Variants in ICA1 observed in about 807,000 individuals in gnomAD.
The protein encoded by ICA1 is 69 kDa islet cell autoantigen.
In ICA1, 40 loss-of-function variants were observed where a neutral mutation model predicts 71.0. The observed-to-expected ratio is 0.56, with a 90% CI of 0.44 to 0.73. ICA1 has a LOEUF of 0.73. ICA1 is among the 30% of genes least tolerant of loss of function. The probability of loss-of-function intolerance (pLI) is 0.00; values close to 1 mark genes in which losing one functional copy is unlikely to be tolerated. For synonymous variants in ICA1, 207 were observed against 209.5 expected, an observed-to-expected ratio of 0.99 and a Z score of 0.10; for missense variants, 578 against 576.5, an observed-to-expected ratio of 1.00 and a Z score of -0.03.
At chr7:8,179,711 C>T (rs60145189) in intron 6 of ICA1, among the ~76,000 whole-genome samples, 4,993 of 151,982 alleles carry the variant, frequency 0.033, 99 homozygotes, top group African/African-American at 0.05. Flanking sequence ...GTTCCCCAAA[C>T]GAGTTTCCAA....
intron 4 of ICA1, among the ~76,000 whole-genome samples, chr7:8,225,420 A>G (rs1798320456): frequency 6.6e-6 from 1 of 152,214 alleles, no homozygotes. Context: ...CTTTCAACAT[A>G]TCCTTTTTCA....
chr7:8,166,615 T>C (rs953013749), intron 6 of ICA1, among the ~76,000 whole-genome samples: 1 of 152,126 alleles, frequency 6.6e-6, no homozygotes, highest in Non-Finnish European at 1.5e-5. Context: ...CCAAAAGCAA[T>C]TTAACAAAAG....
intron 6 of ICA1, among the ~76,000 whole-genome samples, chr7:8,194,913 G>A (rs529977310): frequency 6.6e-6 from 1 of 151,906 alleles, no homozygotes; most frequent in African/African-American, 2.4e-5. Context: ...TTTTTATGTT[G>A]AGTTGAAATA....
At chr7:8,169,693 T>C (rs1481154588) in intron 6 of ICA1, among the ~76,000 whole-genome samples, 1 of 152,138 alleles carries the variant, frequency 6.6e-6, no homozygotes, top group African/African-American at 2.4e-5. Flanking sequence ...AAAATGGGTT[T>C]ATCTTTTTAT....
At chr7:8,114,198 ACT>A in intron 13 of ICA1, 154 bp from the exon 14 acceptor site, 1 of 789,858 alleles carries the variant, frequency 1.3e-6, no homozygotes. Flanking sequence ...GGGAATTCCA[ACT>A]CCCGTGGCTG....
At chr7:8,186,863 C>T (rs543958291) in intron 6 of ICA1, among the ~76,000 whole-genome samples, 7 of 152,088 alleles carry the variant, frequency 4.6e-5, no homozygotes, top group Non-Finnish European at 1.0e-4. Flanking sequence ...GTAATGTTGT[C>T]TCCATTTCTC....
In ICA1 at chr7:8,173,403, A is replaced by G. The variant is rs1584889275; in HGVS notation, c.580-14751T>C. 6.6e-6 allele frequency among the ~76,000 whole-genome samples: 1 copy of G among 152,370 alleles called. No individual in the cohort carries two copies. The highest frequency in any genetic ancestry group is 1.9e-4 in the East Asian group (1 of 5,194). On this transcript the variant is annotated intron_variant, in intron 6 of 13. Coordinates refer to ENST00000402384, the MANE Select transcript of ICA1 (RefSeq NM_001136020.3). The surrounding 1 kb of genome is among the most constrained non-coding windows in gnomAD (Gnocchi z 4.0). The stretch of plus-strand genomic sequence containing the variant: ...CACATCAAATATATCCAAATCTATG[A>G]GTTCATAATAATACTTAAAAACAAG...
chr7:8,221,241 C>G (rs781206035), intron 5 of ICA1, 34 bp downstream of exon 5: 1 of 1,610,974 alleles, frequency 6.2e-7, no homozygotes, highest in South Asian at 1.1e-5. Context: ...CTCCTCAGAT[C>G]CCCCCAGATA....
At chr7:8,171,394 C>T (rs911768299) in intron 6 of ICA1, among the ~76,000 whole-genome samples, 1 of 151,700 alleles carries the variant, frequency 6.6e-6, no homozygotes, top group African/African-American at 2.4e-5. Context: ...AGGGATTTGT[C>T]CATTTCACTG....
At chr7:8,155,216 T>A (rs751685182) in intron 8 of ICA1, among the ~76,000 whole-genome samples, 7 of 152,202 alleles carry the variant, frequency 4.6e-5, no homozygotes, top group Non-Finnish European at 8.8e-5. Context: ...TATATCACAA[T>A]TAAACCATGA....
chr7:8,158,841 T>C (rs7805791), intron 6 of ICA1, among the ~76,000 whole-genome samples, 189 bp from the exon 7 acceptor site: 16,837 of 152,226 alleles, frequency 0.11, 2,940 homozygotes, highest in African/African-American at 0.38. Flanking sequence ...GAGTACTGCA[T>C]ATTATGATTT....
intron 1 of ICA1, among the ~76,000 whole-genome samples, chr7:8,238,665 C>T (rs946807492): frequency 6.6e-6 from 1 of 152,082 alleles, no homozygotes; most frequent in Non-Finnish European, 1.5e-5. Flanking sequence ...TATTAAAATG[C>T]CTTTTAATTT....
intron 6 of ICA1, among the ~76,000 whole-genome samples, chr7:8,189,527 T>C (rs1784897063): frequency 6.6e-6 from 1 of 152,236 alleles, no homozygotes; most frequent in Non-Finnish European, 1.5e-5. Context: ...CTATTGGGAA[T>C]GCAGAATACA....
chr7:8,246,540 AT>A (rs1435103490), intron 1 of ICA1, among the ~76,000 whole-genome samples: 1 of 152,092 alleles, frequency 6.6e-6, no homozygotes, highest in Non-Finnish European at 1.5e-5. Flanking sequence ...ATCCCTTTAG[AT>A]TTTCCTAGAC....
chr7:8,211,274 T>A (rs1793699592), intron 6 of ICA1, among the ~76,000 whole-genome samples: 2 of 152,176 alleles, frequency 1.3e-5, no homozygotes, highest in Non-Finnish European at 2.9e-5. Flanking sequence ...GTTTCCATTA[T>A]CTGAGAGCTT....
intron 5 of ICA1, among the ~76,000 whole-genome samples, chr7:8,220,281 C>T (rs552727078): frequency 6.6e-6 from 1 of 152,234 alleles, no homozygotes; most frequent in South Asian, 2.1e-4. Flanking sequence ...ACCAAAATGC[C>T]CAGGAGAAGG....
At chr7:8,236,415 A>T (rs777686830) in intron 1 of ICA1, among the ~76,000 whole-genome samples, 2 of 152,192 alleles carry the variant, frequency 1.3e-5, no homozygotes, top group Non-Finnish European at 2.9e-5. Flanking sequence ...GTGGGATGTG[A>T]TGTGAGAGAG....
chr7:8,190,372 A>G (rs1785197464), intron 6 of ICA1, among the ~76,000 whole-genome samples: 1 of 152,196 alleles, frequency 6.6e-6, no homozygotes, highest in East Asian at 1.9e-4. Context: ...GCCTCCTCAG[A>G]GAGGCAGAAA....
rs577815216 is a variant in ICA1 at position 8,151,591 on chromosome 7, G to T, written c.804+5525C>A. ...ATATGTAATTGTCTTGTTGGGACTGGTAACTAAAATAGCATTGCAGGGATA... is the reference window on the plus strand; with the variant it reads ...ATATGTAATTGTCTTGTTGGGACTGTTAACTAAAATAGCATTGCAGGGATA... On this transcript the variant is annotated intron_variant, in intron 8 of 13. Coordinates refer to ENST00000402384, the MANE Select transcript of ICA1 (RefSeq NM_001136020.3). 5.9e-5 allele frequency among the ~76,000 whole-genome samples: 9 copies of T among 152,236 alleles called. No individual in the cohort carries two copies. In the South Asian group the frequency reaches 1.0e-3, roughly 18 times the overall value.
Sources: allele counts gnomAD v4.1 joint callset (sites outside exome capture counted in the v4.1 genomes callset), GRCh38; gene constraint gnomAD v4.1.1; non-coding constraint Gnocchi (gnomAD v3.1); transcripts MANE v1.5; gene names NCBI Gene and HGNC (gene_info 2026-07-23, HGNC 2026-07-21).